Variants in KYNU observed in about 807,000 individuals in gnomAD.
KYNU encodes the protein L-kynurenine hydrolase.
KYNU carries 54 observed loss-of-function variants against 59.2 expected under a neutral mutation model. The observed-to-expected ratio is 0.91, with a 90% CI of 0.73 to 1.14. The LOEUF (loss-of-function observed/expected upper bound fraction) is 1.14, where lower values mean the gene tolerates loss of function less well. Ranked by LOEUF, KYNU falls within the 50% of genes most tolerant of loss-of-function variation. The probability of loss-of-function intolerance (pLI) is 0.00; values close to 1 mark genes in which losing one functional copy is unlikely to be tolerated. For missense variants in KYNU, 567 were observed against 554.4 expected (o/e 1.02, Z -0.23); for synonymous variants, 177 against 192.0 (o/e 0.92, Z 0.65).
intron 3 of KYNU, among the ~76,000 whole-genome samples, chr2:142,925,228 C>T (rs1397871900): frequency 5.9e-5 from 9 of 152,140 alleles, no homozygotes; most frequent in Admixed American, 5.9e-4. Context: ...TGATTTTTGT[C>T]TTTAGCATTT....
Position 142,939,108 on chromosome 2 carries a change from A to G in KYNU, c.373+11367A>G, listed in dbSNP as rs1454671121. Among the ~76,000 whole-genome samples, 6 of 152,098 alleles carry G rather than the reference A, an allele frequency of 3.9e-5. No individual in the cohort carries two copies. In the East Asian group the frequency reaches 1.2e-3, roughly 29 times the overall value. Reference sequence around the variant, plus strand: ...GGCTGCAATGAGCCATGATTGCACCATTGTACTCCAGCCTGGGTGACAGAC... The same window carrying G: ...GGCTGCAATGAGCCATGATTGCACCGTTGTACTCCAGCCTGGGTGACAGAC... On this transcript the variant is annotated intron_variant, in intron 4 of 13. Transcript: ENST00000264170.
At chr2:142,991,363 C>T (rs1055322032) in intron 10 of KYNU, among the ~76,000 whole-genome samples, 2 of 151,906 alleles carry the variant, frequency 1.3e-5, no homozygotes, top group African/African-American at 2.4e-5. Flanking sequence ...AAGCATAGGT[C>T]GCAGTAGCAA....
At chr2:142,968,458 C>G (rs1381594966) in intron 8 of KYNU, among the ~76,000 whole-genome samples, 1 of 152,012 alleles carries the variant, frequency 6.6e-6, no homozygotes, top group Non-Finnish European at 1.5e-5. Flanking sequence ...TTAGCTTTGC[C>G]CTGAAGACCC....
intron 3 of KYNU, among the ~76,000 whole-genome samples, chr2:142,926,902 G>A (rs1352275540): frequency 3.3e-5 from 5 of 152,124 alleles, no homozygotes; most frequent in Non-Finnish European, 1.5e-5. Flanking sequence ...ATCACATTCA[G>A]GGCATCATAA....
intron 2 of KYNU, among the ~76,000 whole-genome samples, chr2:142,896,147 A>G (rs141661164): frequency 3.9e-5 from 6 of 152,330 alleles, no homozygotes; most frequent in Admixed American, 1.3e-4. Flanking sequence ...TTAGAATGCT[A>G]TAAGTTGATT....
chr2:142,974,574 T>C (rs894965612), intron 8 of KYNU, among the ~76,000 whole-genome samples: 9 of 152,194 alleles, frequency 5.9e-5, no homozygotes, highest in African/African-American at 1.4e-4. Flanking sequence ...CTAGAGGGCA[T>C]AACAATGGTG....
rs187733588 is a variant in KYNU, at chr2:143,036,256, C to T, written c.1041+2935C>T. On this transcript the variant is annotated intron_variant, in intron 12 of 13. Coordinates refer to ENST00000264170, the MANE Select transcript of KYNU (RefSeq NM_003937.3). ...TTACTTCCTGCAGAGAGGATACACT[C>T]GCCAGCAGTTTTGCCATGAGAGTAC... Among the ~76,000 whole-genome samples, 52 of 152,084 alleles carry T rather than the reference C, an allele frequency of 3.4e-4. 1 individual carries two copies. Among genetic ancestry groups the T allele is most frequent in the African/African-American group, 1.2e-3 (51 of 41,490 alleles).
intron 10 of KYNU, among the ~76,000 whole-genome samples, chr2:142,987,306 T>C (rs1385002402): frequency 2.6e-5 from 4 of 151,284 alleles, no homozygotes; most frequent in Non-Finnish European, 5.9e-5. Context: ...AGTGCCCGGA[T>C]AGAAGGAGGT....
chr2:143,010,518 A>G (rs1357858177), intron 10 of KYNU, among the ~76,000 whole-genome samples: 1 of 127,036 alleles, frequency 7.9e-6, no homozygotes, highest in Non-Finnish European at 1.6e-5. Context: ...TGCCATCCCC[A>G]TCAAGCTACT....
chr2:142,975,431 A>G (rs1187411508), intron 8 of KYNU, among the ~76,000 whole-genome samples: 2 of 152,218 alleles, frequency 1.3e-5, no homozygotes, highest in African/African-American at 2.4e-5. Context: ...CCTGTATGCC[A>G]GACAAGGACC....
chr2:142,920,709 G>A (rs1243642456), intron 3 of KYNU, among the ~76,000 whole-genome samples: 1 of 152,174 alleles, frequency 6.6e-6, no homozygotes, highest in Non-Finnish European at 1.5e-5. Context: ...TTCAGGCAAT[G>A]TACAGTGAAT....
Position 142,967,497 on chromosome 2 carries a change from A to G in KYNU, c.729+6727A>G, listed in dbSNP as rs917370735. Reference sequence around the variant, plus strand: ...TTATTAAAAAATAATAATCACAATGATAGCCCAGGCAGTTTGAATAAAAAT... The same window carrying G: ...TTATTAAAAAATAATAATCACAATGGTAGCCCAGGCAGTTTGAATAAAAAT... On this transcript the variant is annotated intron_variant, in intron 8 of 13. Transcript: ENST00000264170. 13 of 152,254 alleles carry G rather than the reference A, an allele frequency of 8.5e-5. 1 individual carries two copies. In the South Asian group the frequency reaches 1.9e-3, roughly 22 times the overall value. The allele number at this position is 152,254 out of a possible 1,614,324, so 9.4% of individuals were successfully genotyped here.
chr2:142,949,723 A>C (rs1354825993), intron 4 of KYNU, among the ~76,000 whole-genome samples: 1 of 152,050 alleles, frequency 6.6e-6, no homozygotes, highest in Non-Finnish European at 1.5e-5. Context: ...TGCCATGAAG[A>C]CCTCTGACAT....
At chr2:143,036,150 T>G (rs1686888214) in intron 12 of KYNU, among the ~76,000 whole-genome samples, 1 of 151,990 alleles carries the variant, frequency 6.6e-6, no homozygotes, top group Non-Finnish European at 1.5e-5. Flanking sequence ...TGCCTCAGTC[T>G]CCTGTTTGAA....
At chr2:142,894,644 T>C (rs930083558) in intron 2 of KYNU, among the ~76,000 whole-genome samples, 1 of 152,178 alleles carries the variant, frequency 6.6e-6, no homozygotes, top group African/African-American at 2.4e-5. Flanking sequence ...TATCAACTTG[T>C]GGCATGTGAA....
At chr2:142,974,581 G>A (rs2105133234) in intron 8 of KYNU, among the ~76,000 whole-genome samples, 1 of 152,230 alleles carries the variant, frequency 6.6e-6, no homozygotes, top group Non-Finnish European at 1.5e-5. Context: ...GCATAACAAT[G>A]GTGCCAGATT....
chr2:142,999,563 G>A (rs962418113), intron 10 of KYNU, among the ~76,000 whole-genome samples: 2 of 152,048 alleles, frequency 1.3e-5, no homozygotes, highest in Admixed American at 1.3e-4. Context: ...GCTAGCAATT[G>A]GAAGATAATA....
At chr2:143,032,233 G>A (rs1041425878) in intron 11 of KYNU, among the ~76,000 whole-genome samples, 1 of 151,558 alleles carries the variant, frequency 6.6e-6, no homozygotes, top group African/African-American at 2.4e-5. Context: ...AGCCAAGATC[G>A]CGCCACTGCA....
At position 143,049,507 on chromosome 2, in the gene KYNU, TAC is replaced by T. The variant is rs1352726516; in HGVS notation, c.*7337_*7338del. The T allele has an allele frequency of 6.6e-6, 1 of 152,210 alleles. No individual in the cohort carries two copies. Among genetic ancestry groups the T allele is most frequent in the African/African-American group, 2.4e-5 (1 of 41,454 alleles). The allele number at this position is 152,210 out of a possible 1,614,324, so 9.4% of individuals were successfully genotyped here. On this transcript the variant is annotated 3_prime_UTR_variant, in exon 14 of 14. Transcript: ENST00000264170. The stretch of plus-strand genomic sequence containing the variant: ...GTCAGGAGAAGGATAATCTTCACAC[TAC>T]AGTTTATGCTTCAGAAGCCACCCCT...
Sources: gnomAD v4.1 joint callset for allele counts (sites outside exome capture counted in the v4.1 genomes callset) on GRCh38, gnomAD v4.1.1 for gene constraint, MANE v1.5 for transcripts, NCBI Gene and HGNC (gene_info 2026-07-23, HGNC 2026-07-21) for gene names.